SGK3: variants seen among roughly 807,000 people sequenced by gnomAD.
SGK3 encodes serine/threonine-protein kinase Sgk3.
Under a neutral mutation model 68.5 loss-of-function variants are expected in SGK3, and 47 were observed. The ratio of observed to expected loss-of-function variants is 0.69; its 90% confidence interval spans 0.54 to 0.87. The LOEUF (loss-of-function observed/expected upper bound fraction) is 0.87, where lower values mean the gene tolerates loss of function less well. SGK3 is among the 40% of genes least tolerant of loss of function. The pLI is 0.00. For synonymous variants in SGK3, 181 were observed against 189.1 expected (o/e 0.96, Z 0.35); for missense variants, 479 against 575.5 (o/e 0.83, Z 1.72).
Position 66,858,294 on chromosome 8 carries a change from G to A in SGK3, c.1321-1117G>A, listed in dbSNP as rs145507147. 7.3e-3 allele frequency among the ~76,000 whole-genome samples: 1,111 copies of A among 151,870 alleles called. 11 individuals are homozygous for A. Among genetic ancestry groups the A allele is most frequent in the African/African-American group, 0.025 (1,053 of 41,398 alleles). ...AGACTGGCTAACTCGGTGAAACCCCGTCTCTACTAAAAATAGAAAAAATTA... is the reference window on the plus strand; with the variant it reads ...AGACTGGCTAACTCGGTGAAACCCCATCTCTACTAAAAATAGAAAAAATTA... On this transcript the variant is annotated intron_variant, in intron 16 of 16. Coordinates refer to ENST00000521198, the MANE Select transcript of SGK3 (RefSeq NM_001033578.3).
At chr8:66,811,848 CTG>C (rs1413609574) in intron 4 of SGK3, among the ~76,000 whole-genome samples, 2 of 152,170 alleles carry the variant, frequency 1.3e-5, no homozygotes, top group Non-Finnish European at 2.9e-5. Context: ...CGAGAAATAA[CTG>C]TGTTTCAATT....
At position 66,719,259 on chromosome 8, in the gene SGK3, G is replaced by GT. The variant is rs895177472; in HGVS notation, c.-122+6437dup. Among the ~76,000 whole-genome samples, 645 of 145,918 alleles carry GT rather than the reference G, an allele frequency of 4.4e-3. 8 individuals are homozygous for GT. Among genetic ancestry groups the GT allele is most frequent in the East Asian group, 5.8e-3 (29 of 5,026 alleles). On this transcript the variant is annotated intron_variant, in intron 1 of 16. Transcript: ENST00000521198. ...TGTGTATCTATATATGTACACAAGA[G>GT]TTTTTTTTTTTAAATGGGGATTGTT...
Position 66,828,661 on chromosome 8 carries a change from C to A in SGK3, c.425C>A (p.Ser142Tyr). The change falls in exon 7 of 17, where the codon TCT becomes TAT. Residue 142 changes from serine (S) to tyrosine (Y), a missense_variant. Coordinates refer to ENST00000521198, the MANE Select transcript of SGK3 (RefSeq NM_001033578.3). ...EDERSSQKLH[S>Y]TSQNINLGPS... is the part of the protein sequence containing the mutation. Reference sequence around the variant, plus strand: ...CTTTCCCCACCTTCACAGCTACACTCTACCTCACAGAACATCAACCTGGGA... The same window carrying A: ...CTTTCCCCACCTTCACAGCTACACTATACCTCACAGAACATCAACCTGGGA... 1 of 1,614,006 alleles carries A rather than the reference C, an allele frequency of 6.2e-7. No individual in the cohort carries two copies. The highest frequency in any genetic ancestry group is 8.5e-7 in the Non-Finnish European group (1 of 1,179,996).
At chr8:66,725,533 A>ATTTT (rs1227073633) in intron 1 of SGK3, among the ~76,000 whole-genome samples, 1 of 152,034 alleles carries the variant, frequency 6.6e-6, no homozygotes, top group Non-Finnish European at 1.5e-5. Context: ...TTGTTAAAAT[A>ATTTT]ATGTTTAAAA....
intron 6 of SGK3, 107 bp downstream of exon 6, chr8:66,822,566 G>A (rs1434813303): frequency 1.5e-5 from 16 of 1,033,010 alleles, no homozygotes; most frequent in Admixed American, 4.7e-5. Flanking sequence ...CCATAGTAGA[G>A]TTTCTACTAT....
chr8:66,822,481 C>A (rs1485755962), intron 6 of SGK3, 22 bp downstream of exon 6: 1 of 1,599,614 alleles, frequency 6.3e-7, no homozygotes, highest in South Asian at 1.1e-5. Flanking sequence ...AATTGCCTTT[C>A]TTAATAGAAA....
intron 1 of SGK3, among the ~76,000 whole-genome samples, chr8:66,752,995 T>C (rs1302018867): frequency 6.6e-6 from 1 of 152,116 alleles, no homozygotes; most frequent in Non-Finnish European, 1.5e-5. Flanking sequence ...GGATTATAGG[T>C]GTGAGCCACC....
intron 1 of SGK3, among the ~76,000 whole-genome samples, chr8:66,723,124 TATATA>T (rs1563595340): frequency 1.9e-4 from 11 of 56,846 alleles, no homozygotes; most frequent in African/African-American, 3.1e-4. Context: ...TATATATATA[TATATA>T]TATTTTTTTT....
At chr8:66,813,697 T>C (rs953188940) in intron 4 of SGK3, among the ~76,000 whole-genome samples, 156 bp from the exon 5 acceptor site, 1 of 150,444 alleles carries the variant, frequency 6.6e-6, no homozygotes, top group Non-Finnish European at 1.5e-5. Flanking sequence ...ATATATATAA[T>C]TTCTAAGTAT....
chr8:66,855,834 G>A (rs950752542), intron 16 of SGK3, among the ~76,000 whole-genome samples: 5 of 152,186 alleles, frequency 3.3e-5, no homozygotes, highest in African/African-American at 7.2e-5. Context: ...CAAACAGTTA[G>A]CTATTCTAGG....
intron 1 of SGK3, among the ~76,000 whole-genome samples, chr8:66,757,067 T>C (rs918024229): frequency 9.9e-5 from 15 of 151,886 alleles, no homozygotes; most frequent in African/African-American, 3.4e-4. Flanking sequence ...GAAGATTCAA[T>C]GCATAGTGCA....
At chr8:66,795,797 A>G (rs1807656346) in intron 2 of SGK3, among the ~76,000 whole-genome samples, 1 of 151,988 alleles carries the variant, frequency 6.6e-6, no homozygotes, top group Admixed American at 6.6e-5. Context: ...TGACCACCCT[A>G]TAAAAAATAG....
intron 15 of SGK3, among the ~76,000 whole-genome samples, chr8:66,849,192 T>G (rs1810161383): frequency 1.3e-5 from 2 of 152,206 alleles, no homozygotes. Flanking sequence ...TTATATCTTC[T>G]GTACTCTTCA....
In SGK3 at chr8:66,850,929, A is replaced by G. The variant is rs1384683249; in HGVS notation, c.1320+9A>G. ...CATTTAATCCTAATGTGGTAAGTAT[A>G]TATCCAAATCTTTCTTTCTAGAATC... On this transcript the variant is annotated intron_variant, in intron 16 of 16. Coordinates refer to ENST00000521198, the MANE Select transcript of SGK3 (RefSeq NM_001033578.3). 1.2e-6 allele frequency: 2 copies of G among 1,601,818 alleles called. No individual in the cohort carries two copies. Among genetic ancestry groups the G allele is most frequent in the Non-Finnish European group, 8.5e-7 (1 of 1,174,078 alleles).
intron 1 of SGK3, among the ~76,000 whole-genome samples, chr8:66,751,250 A>C (rs563388659): frequency 6.6e-6 from 1 of 152,292 alleles, no homozygotes; most frequent in South Asian, 2.1e-4. Flanking sequence ...AGTTGTGGGA[A>C]AGCGTCTGCT....
chr8:66,859,066 C>T (rs1810649855), intron 16 of SGK3, among the ~76,000 whole-genome samples: 2 of 152,292 alleles, frequency 1.3e-5, no homozygotes, highest in Non-Finnish European at 2.9e-5. Flanking sequence ...GGCGCGGTGG[C>T]TCACACCTGT....
intron 2 of SGK3, among the ~76,000 whole-genome samples, chr8:66,794,280 A>T (rs1807583939): frequency 1.3e-5 from 2 of 152,144 alleles, no homozygotes; most frequent in South Asian, 4.1e-4. Flanking sequence ...GCCATTTCTA[A>T]TTTTATCGTT....
At chr8:66,845,768 G>A (rs988758564) in intron 14 of SGK3, among the ~76,000 whole-genome samples, 2 of 151,268 alleles carry the variant, frequency 1.3e-5, no homozygotes, top group Non-Finnish European at 2.9e-5. Flanking sequence ...ATGTTGCCTA[G>A]GCTGGTCTCA....
At chr8:66,849,374 A>T (rs1391844923) in intron 15 of SGK3, among the ~76,000 whole-genome samples, 1 of 152,006 alleles carries the variant, frequency 6.6e-6, no homozygotes, top group African/African-American at 2.4e-5. Context: ...GGCATTCTTG[A>T]TTCTTCTCTC....
Sources: gnomAD v4.1 joint callset for allele counts (sites outside exome capture counted in the v4.1 genomes callset) on GRCh38, gnomAD v4.1.1 for gene constraint, MANE v1.5 for transcripts, NCBI Gene and HGNC (gene_info 2026-07-23, HGNC 2026-07-21) for gene names.